The following DOCK4 variants were observed in gnomAD, a reference collection of about 807,000 sequenced individuals.
The protein encoded by DOCK4 is dedicator of cytokinesis protein 4.
Under a neutral mutation model 268.1 loss-of-function variants are expected in DOCK4, and 97 were observed. The ratio of observed to expected loss-of-function variants is 0.36; its 90% CI spans 0.31 to 0.43. The LOEUF (loss-of-function observed/expected upper bound fraction) is 0.43, where lower values mean the gene tolerates loss of function less well. Among genes scored for constraint, DOCK4 ranks in the 20% least tolerant of loss-of-function variants. The pLI is 1.00. For missense variants in DOCK4, 2,145 were observed against 2,455.7 expected (o/e 0.87, Z 2.67); for synonymous variants, 954 against 887.2 (o/e 1.08, Z -1.34).
intron 42 of DOCK4, among the ~76,000 whole-genome samples, chr7:111,748,098 A>G (rs1254377385): frequency 6.6e-6 from 1 of 152,186 alleles, no homozygotes; most frequent in Non-Finnish European, 1.5e-5. Context: ...GAAAATGATA[A>G]AAGTGCTCTT....
At chr7:111,935,194 A>G (rs1345341044) in intron 12 of DOCK4, among the ~76,000 whole-genome samples, 1 of 148,996 alleles carries the variant, frequency 6.7e-6, no homozygotes, top group Non-Finnish European at 1.5e-5. Flanking sequence ...GTGATCCACT[A>G]ATCTCGGCCT....
intron 12 of DOCK4, among the ~76,000 whole-genome samples, chr7:111,923,416 T>C (rs565174555): frequency 6.6e-6 from 1 of 152,344 alleles, no homozygotes; most frequent in Admixed American, 6.5e-5. Flanking sequence ...CCTCTGTAAC[T>C]GCTGCTAAGA....
intron 30 of DOCK4, among the ~76,000 whole-genome samples, chr7:111,800,114 C>T (rs28694530): frequency 5.3e-5 from 8 of 151,606 alleles, no homozygotes; most frequent in East Asian, 1.9e-4. Flanking sequence ...AAGTTTAATA[C>T]GACTTTTTTA....
At chr7:111,992,214 T>C (rs1053213487) in intron 5 of DOCK4, among the ~76,000 whole-genome samples, 5 of 152,142 alleles carry the variant, frequency 3.3e-5, no homozygotes, top group African/African-American at 9.7e-5. Context: ...ATGCTAAGCA[T>C]TGTCATATAA....
intron 1 of DOCK4, among the ~76,000 whole-genome samples, chr7:112,123,654 G>T (rs376760868): frequency 1.3e-5 from 2 of 152,190 alleles, no homozygotes; most frequent in South Asian, 2.1e-4. Context: ...TCAACTATTT[G>T]CTCAATAAAT....
At chr7:111,777,449 G>T (rs1798519243) in intron 36 of DOCK4, among the ~76,000 whole-genome samples, 1 of 152,120 alleles carries the variant, frequency 6.6e-6, no homozygotes. Flanking sequence ...AGTAAATAAA[G>T]TATTTTTATC....
intron 51 of DOCK4, among the ~76,000 whole-genome samples, chr7:111,734,387 A>G (rs891036228): frequency 6.6e-6 from 1 of 152,094 alleles, no homozygotes; most frequent in African/African-American, 2.4e-5. Flanking sequence ...GGGTTTTGTC[A>G]TGCTGCCCAG....
intron 23 of DOCK4, among the ~76,000 whole-genome samples, chr7:111,852,340 A>G (rs1804643114): frequency 6.6e-6 from 1 of 152,146 alleles, no homozygotes; most frequent in African/African-American, 2.4e-5. Context: ...TAGCATCAAA[A>G]CAGACAACAT....
chr7:111,758,750 C>T lies in DOCK4; in HGVS notation c.4203G>A (p.Gln1401=). 6.2e-7 allele frequency: 1 copy of T among 1,613,932 alleles called. No individual in the cohort carries two copies. The highest frequency in any genetic ancestry group is 8.5e-7 in the Non-Finnish European group (1 of 1,179,864). Residue 1401 remains glutamine (Q), a synonymous_variant, in exon 41 of 53, where the codon CAG becomes CAA. Transcript: ENST00000428084. ...IYAVTPIPES[Q]EVLQREGVPD... ...GAACACCCTCTCTCTGCAGGACCTC[C>T]TGGCTCTCTGGAATGGGAGTCACAG... is the stretch of plus-strand genomic sequence containing the variant.
rs1198427438 is a variant in DOCK4 at position 111,977,726 on chromosome 7, T to C, written c.550-443A>G. ...TCTTTTTAAAAAGCAGACTAAATTA[T>C]ATCTAAGTTATAACTTCTCATTACT... On this transcript the variant is annotated intron_variant, in intron 7 of 52. Coordinates refer to ENST00000428084, the MANE Select transcript of DOCK4 (RefSeq NM_001363540.2). Among the ~76,000 whole-genome samples the C allele has an allele frequency of 3.3e-5, 5 of 152,242 alleles. No homozygotes were observed. In the East Asian group the frequency reaches 5.8e-4, roughly 18 times the overall value.
At chr7:111,935,913 G>A (rs1794705870) in intron 11 of DOCK4, among the ~76,000 whole-genome samples, 1 of 152,088 alleles carries the variant, frequency 6.6e-6, no homozygotes, top group Non-Finnish European at 1.5e-5. Flanking sequence ...AGAGAACAAT[G>A]TATACAGGGG....
At chr7:111,802,941 C>T (rs1310858464) in intron 30 of DOCK4, among the ~76,000 whole-genome samples, 2 of 152,146 alleles carry the variant, frequency 1.3e-5, no homozygotes, top group Non-Finnish European at 2.9e-5. Context: ...CATCTGTAAG[C>T]ATCTTTAACA....
chr7:111,738,843 CAGG>C (rs1795691047), intron 49 of DOCK4, among the ~76,000 whole-genome samples: 1 of 151,900 alleles, frequency 6.6e-6, no homozygotes, highest in African/African-American at 2.4e-5. Context: ...GAGGCTGAGA[CAGG>C]AGAATTGCTT....
intron 24 of DOCK4, among the ~76,000 whole-genome samples, chr7:111,845,693 C>T (rs551342034): frequency 8.5e-5 from 13 of 152,274 alleles, no homozygotes; most frequent in African/African-American, 2.6e-4. Flanking sequence ...AATTTTCTTA[C>T]ACTTGCAAGA....
At chr7:111,732,484 AG>A in intron 51 of DOCK4, 197 bp from the exon 52 acceptor site, 1 of 600,812 alleles carries the variant, frequency 1.7e-6, no homozygotes, top group East Asian at 2.8e-5. Flanking sequence ...GGCACTGCCA[AG>A]ATATGGGAGC....
At chr7:112,116,550 G>A (rs961452930) in intron 1 of DOCK4, among the ~76,000 whole-genome samples, 2 of 152,166 alleles carry the variant, frequency 1.3e-5, no homozygotes, top group Non-Finnish European at 2.9e-5. Context: ...GAAACCAGAA[G>A]AGAAAACCTA....
intron 52 of DOCK4, among the ~76,000 whole-genome samples, chr7:111,730,142 GTT>G (rs1032103106): frequency 2.2e-4 from 33 of 152,256 alleles, no homozygotes; most frequent in Admixed American, 5.9e-4. Context: ...TGGCATCTGA[GTT>G]TGTTACTTTC....
intron 30 of DOCK4, among the ~76,000 whole-genome samples, chr7:111,799,875 C>T (rs1025743065): frequency 1.3e-5 from 2 of 152,124 alleles, no homozygotes; most frequent in African/African-American, 4.8e-5. Context: ...ATTTACTATG[C>T]CACTCTTGTG....
At chr7:111,899,582 C>T (rs901089750) in intron 15 of DOCK4, among the ~76,000 whole-genome samples, 2 of 152,050 alleles carry the variant, frequency 1.3e-5, no homozygotes, top group African/African-American at 4.8e-5. Flanking sequence ...ATAGCAATGC[C>T]CATGTGGACA....
Sources: allele counts gnomAD v4.1 joint callset (sites outside exome capture counted in the v4.1 genomes callset), GRCh38; gene constraint gnomAD v4.1.1; transcripts MANE v1.5; gene names NCBI Gene and HGNC (gene_info 2026-07-23, HGNC 2026-07-21).